The following ACTA2 variants were observed in gnomAD, a reference collection of about 807,000 sequenced individuals.
ACTA2 encodes the protein actin alpha 2, smooth muscle, also known as actin, aortic smooth muscle.
ACTA2 carries 12 observed loss-of-function variants against 39.5 expected under a neutral mutation model. The ratio of observed to expected loss-of-function variants is 0.30; its 90% CI spans 0.19 to 0.49. The LOEUF (loss-of-function observed/expected upper bound fraction) is 0.49, where lower values mean the gene tolerates loss of function less well. Ranked by LOEUF, ACTA2 falls within the 20% of genes least tolerant of loss-of-function variation. ACTA2 has a pLI of 0.99. For missense variants in ACTA2, 236 were observed against 498.8 expected (o/e 0.47, Z 5.02); for synonymous variants, 158 against 180.6 (o/e 0.88, Z 1.00).
chr10:88,983,609 CAAAAAAAAAAAA>C (rs71022549), intron 1 of ACTA2, among the ~76,000 whole-genome samples: 4 of 46,456 alleles, frequency 8.6e-5, no homozygotes, highest in East Asian at 1.7e-3. Flanking sequence ...ACAGGTTATG[CAAAAAAAAAAAA>C]AAAAAAAAAA....
At chr10:88,944,166 G>A (rs985022532) in intron 3 of ACTA2, among the ~76,000 whole-genome samples, 2 of 152,176 alleles carry the variant, frequency 1.3e-5, no homozygotes, top group African/African-American at 4.8e-5. Context: ...TGGCAGTTAA[G>A]GGCACAACCC....
At chr10:88,958,584 C>T (rs1047564625) in intron 1 of ACTA2, among the ~76,000 whole-genome samples, 7 of 152,136 alleles carry the variant, frequency 4.6e-5, no homozygotes, top group Admixed American at 4.6e-4. Context: ...GTATGTCAGG[C>T]TCCACCCAGG....
Position 88,990,757 on chromosome 10 carries a change from A to G in ACTA2, c.-24+182T>C. Reference sequence around the variant, plus strand: ...CCTCAGGGGCGGGCACTGGCACGGAACACACCCTGAGGCCAGCCCTGGCTG... The same window carrying G: ...CCTCAGGGGCGGGCACTGGCACGGAGCACACCCTGAGGCCAGCCCTGGCTG... On this transcript the variant is annotated intron_variant, in intron 1 of 4. Transcript: ENST00000415557. The surrounding 1 kb of genome is among the most constrained non-coding windows in gnomAD (Gnocchi z 4.9). 1 of 1,287,436 alleles carries G rather than the reference A, an allele frequency of 7.8e-7. No individual in the cohort carries two copies. The highest frequency in any genetic ancestry group is 1.1e-6 in the Non-Finnish European group (1 of 892,642). The allele number at this position is 1,287,436 out of a possible 1,614,324, so 79.8% of individuals were successfully genotyped here. A position where few individuals can be genotyped will look rare whatever the true frequency, so the allele number is the denominator to read the frequency against.
intron 3 of ACTA2, among the ~76,000 whole-genome samples, chr10:88,946,630 G>A (rs537859410): frequency 1.6e-4 from 25 of 151,918 alleles, no homozygotes; most frequent in South Asian, 1.5e-3. Context: ...TGGGCCAAGC[G>A]ATCCTCCCAC....
intron 8 of ACTA2, 115 bp from the exon 9 acceptor site, chr10:88,935,481 C>A (rs1160731893): frequency 1.6e-6 from 2 of 1,232,970 alleles, no homozygotes; most frequent in East Asian, 4.7e-5. Flanking sequence ...TCAGCAGGGA[C>A]ACAGGCTTGT....
intron 1 of ACTA2, among the ~76,000 whole-genome samples, chr10:88,971,874 T>C (rs562833165): frequency 2.6e-5 from 4 of 152,202 alleles, no homozygotes; most frequent in African/African-American, 9.6e-5. Flanking sequence ...AAATTTATAG[T>C]TTCTGAAGCG....
At chr10:88,980,744 G>A (rs12765241) in intron 1 of ACTA2, among the ~76,000 whole-genome samples, 14,059 of 152,186 alleles carry the variant, frequency 0.092, 857 homozygotes, top group Non-Finnish European at 0.13. Flanking sequence ...AATGAGACTC[G>A]AGCCATATAA....
rs1490084330 is a variant in ACTA2, at chr10:88,990,764, C to T, written c.-24+175G>A. ...GGCGGGCACTGGCACGGAACACACC[C>T]TGAGGCCAGCCCTGGCTGCCCAGGC... On this transcript the variant is annotated intron_variant, in intron 1 of 4. Transcript: ENST00000415557. The surrounding 1 kb of genome is among the most constrained non-coding windows in gnomAD (Gnocchi z 4.9). 1 of 1,397,964 alleles carries T rather than the reference C, an allele frequency of 7.2e-7. No individual in the cohort carries two copies. The highest frequency in any genetic ancestry group is 2.3e-5 in the East Asian group (1 of 43,146). The allele number at this position is 1,397,964 out of a possible 1,614,324, so 86.6% of individuals were successfully genotyped here. A position where few individuals can be genotyped will look rare whatever the true frequency, so the allele number is the denominator to read the frequency against.
At chr10:88,962,590 ATAC>A (rs1460708948) in intron 1 of ACTA2, among the ~76,000 whole-genome samples, 1 of 152,164 alleles carries the variant, frequency 6.6e-6, no homozygotes, top group East Asian at 1.9e-4. Context: ...TTGGTGACAA[ATAC>A]CACAGATGGT....
At chr10:88,979,724 T>G in intron 1 of ACTA2, among the ~76,000 whole-genome samples, 1 of 152,110 alleles carries the variant, frequency 6.6e-6, no homozygotes. Context: ...CTCAATTCGA[T>G]CAGAAAAGGT....
chr10:88,958,317 TAA>T (rs2133293405), intron 1 of ACTA2, among the ~76,000 whole-genome samples: 1 of 152,240 alleles, frequency 6.6e-6, no homozygotes, highest in African/African-American at 2.4e-5. Context: ...TGAGGGCAAA[TAA>T]AAATAAGTCA....
At chr10:88,987,876 T>G (rs949369598) in intron 1 of ACTA2, among the ~76,000 whole-genome samples, 1 of 152,226 alleles carries the variant, frequency 6.6e-6, no homozygotes, top group Non-Finnish European at 1.5e-5. Context: ...TTTAAATCTT[T>G]ACACTTTGAG....
intron 1 of ACTA2, among the ~76,000 whole-genome samples, chr10:88,962,965 ATATATATAT>A (rs1846258576): frequency 1.0e-4 from 4 of 39,920 alleles, no homozygotes; most frequent in African/African-American, 3.2e-4. Flanking sequence ...ATATATATAT[ATATATATAT>A]ATAATATTTT....
intron 4 of ACTA2, 37 bp from the exon 5 acceptor site, chr10:88,941,906 G>A (rs778438517): frequency 1.9e-6 from 3 of 1,570,564 alleles, no homozygotes; most frequent in Admixed American, 1.8e-5. Context: ...TAGTGAAGGT[G>A]CCCATCTGAC....
chr10:88,978,378 AC>A (rs1846625771), intron 1 of ACTA2, among the ~76,000 whole-genome samples: 1 of 152,002 alleles, frequency 6.6e-6, no homozygotes, highest in African/African-American at 2.4e-5. Context: ...GTGCACATGT[AC>A]CCTAAAACTT....
chr10:88,947,443 C>T (rs1845972843), intron 2 of ACTA2, 57 bp from the exon 3 acceptor site: 87 of 1,607,320 alleles, frequency 5.4e-5, no homozygotes, highest in Non-Finnish European at 7.0e-5. Flanking sequence ...GAATCAATTA[C>T]AGCCAAGCCA....
chr10:88,980,752 T>A (rs929439397), intron 1 of ACTA2, among the ~76,000 whole-genome samples: 4 of 152,216 alleles, frequency 2.6e-5, no homozygotes, highest in African/African-American at 9.7e-5. Flanking sequence ...TCGAGCCATA[T>A]AAAGTCAAGT....
At chr10:88,970,455 G>T (rs939526373) in intron 1 of ACTA2, among the ~76,000 whole-genome samples, 1 of 152,114 alleles carries the variant, frequency 6.6e-6, no homozygotes, top group East Asian at 1.9e-4. Flanking sequence ...TGAGGAGGGC[G>T]TTCAGTTAGT....
intron 1 of ACTA2, among the ~76,000 whole-genome samples, chr10:88,981,792 G>C (rs954648145): frequency 6.6e-6 from 1 of 152,102 alleles, no homozygotes; most frequent in Non-Finnish European, 1.5e-5. Context: ...GTATGTAAAG[G>C]TTTCAGATGG....
Sources: gnomAD v4.1 joint callset for allele counts (sites outside exome capture counted in the v4.1 genomes callset) on GRCh38, gnomAD v4.1.1 for gene constraint, Gnocchi (gnomAD v3.1) non-coding constraint, MANE v1.5 for transcripts, NCBI Gene and HGNC (gene_info 2026-07-23, HGNC 2026-07-21) for gene names.